The following TRAPPC9 variants were observed in gnomAD, a reference collection of about 807,000 sequenced individuals.
The protein encoded by TRAPPC9 is IKK2 binding protein.
In TRAPPC9, 83 loss-of-function variants were observed where a neutral mutation model predicts 124.0. The observed-to-expected ratio is 0.67, with a 90% CI of 0.56 to 0.80. TRAPPC9 has a LOEUF of 0.80. Among genes scored for constraint, TRAPPC9 ranks in the 30% least tolerant of loss-of-function variants. The pLI is 0.00. For missense variants in TRAPPC9, 1,302 were observed against 1,508.3 expected, an observed-to-expected ratio of 0.86 and a Z score of 2.27; for synonymous variants, 638 against 617.5, an observed-to-expected ratio of 1.03 and a Z score of -0.49.
chr8:139,996,540 TA>T (rs1182675689), intron 18 of TRAPPC9, among the ~76,000 whole-genome samples: 5 of 145,522 alleles, frequency 3.4e-5, no homozygotes, highest in African/African-American at 7.6e-5. Flanking sequence ...CAGGGGAAAA[TA>T]AAACAGAAAA....
At chr8:140,210,603 C>G (rs1036820520) in intron 17 of TRAPPC9, among the ~76,000 whole-genome samples, 1 of 152,050 alleles carries the variant, frequency 6.6e-6, no homozygotes, top group African/African-American at 2.4e-5. Flanking sequence ...ATTCCCTGTA[C>G]CCGCACCCCC....
At chr8:140,232,084 A>T (rs1006546046) in intron 16 of TRAPPC9, among the ~76,000 whole-genome samples, 20 of 151,134 alleles carry the variant, frequency 1.3e-4, no homozygotes, top group Admixed American at 1.1e-3. Context: ...TGTTTTTTTT[A>T]AAAAAACATC....
At chr8:140,220,235 TC>T (rs1369772511) in intron 17 of TRAPPC9, among the ~76,000 whole-genome samples, 1 of 152,168 alleles carries the variant, frequency 6.6e-6, no homozygotes, top group Non-Finnish European at 1.5e-5. Flanking sequence ...ACCTAAAAGA[TC>T]CAGCTTTCCA....
chr8:140,435,805 T>C (rs543857031), intron 3 of TRAPPC9, among the ~76,000 whole-genome samples: 3 of 152,216 alleles, frequency 2.0e-5, no homozygotes, highest in Admixed American at 6.5e-5. Context: ...TCTTCTCTCA[T>C]GACGTAACAA....
chr8:140,418,731 T>C (rs1198561146), intron 5 of TRAPPC9, among the ~76,000 whole-genome samples: 7 of 115,324 alleles, frequency 6.1e-5, no homozygotes, highest in Admixed American at 2.1e-4. Context: ...AAAAGATAGA[T>C]AGATAGATAG....
At chr8:140,300,077 A>T (rs922474939) in intron 11 of TRAPPC9, among the ~76,000 whole-genome samples, 5 of 152,194 alleles carry the variant, frequency 3.3e-5, no homozygotes, top group African/African-American at 1.2e-4. Flanking sequence ...TCACAAAATT[A>T]CCTTATATGA....
intron 20 of TRAPPC9, among the ~76,000 whole-genome samples, chr8:139,889,459 C>A (rs767723913): frequency 6.6e-6 from 1 of 152,118 alleles, no homozygotes; most frequent in African/African-American, 2.4e-5. Context: ...TGAGAACAAA[C>A]GTTTCCAGGA....
chr8:139,982,807 TAA>T (rs1036289031), intron 19 of TRAPPC9, among the ~76,000 whole-genome samples: 3 of 152,304 alleles, frequency 2.0e-5, no homozygotes, highest in African/African-American at 4.8e-5. Context: ...AGAAATATGA[TAA>T]GAGTGGCATT....
intron 19 of TRAPPC9, among the ~76,000 whole-genome samples, chr8:139,919,189 C>T (rs570934948): frequency 1.4e-4 from 22 of 152,336 alleles, no homozygotes; most frequent in African/African-American, 4.6e-4. Context: ...TGCAGCAACA[C>T]GGACTGGAGC....
chr8:139,750,120 C>T lies in TRAPPC9; in HGVS notation c.3056-17918G>A, dbSNP rs372866698. Among the ~76,000 whole-genome samples, 79 of 152,238 alleles carry T rather than the reference C, an allele frequency of 5.2e-4. 1 individual carries two copies. The highest frequency in any genetic ancestry group is 3.1e-3 in the East Asian group (16 of 5,178). ...GAGGGTCCACAGGAGCCCTGGCTGT[C>T]CCAGTGTGGCATAGACCTCACCTCA... is the stretch of plus-strand genomic sequence containing the variant. On this transcript the variant is annotated intron_variant, in intron 21 of 22. Transcript: ENST00000438773.
chr8:140,380,777 A>G (rs2068583330), intron 7 of TRAPPC9, among the ~76,000 whole-genome samples: 1 of 150,402 alleles, frequency 6.6e-6, no homozygotes, highest in East Asian at 1.9e-4. Context: ...AGTTCCTAAA[A>G]GAAAACAAGA....
chr8:139,940,098 C>T (rs994744552), intron 19 of TRAPPC9, among the ~76,000 whole-genome samples: 3 of 152,200 alleles, frequency 2.0e-5, no homozygotes, highest in East Asian at 1.9e-4. Flanking sequence ...CTGGGATTCC[C>T]GTCGTTTGGT....
intron 1 of TRAPPC9, 26 bp from the exon 2 acceptor site, chr8:140,451,409 G>T (rs9657463): frequency 9.5e-6 from 15 of 1,578,482 alleles, no homozygotes; most frequent in Non-Finnish European, 1.3e-5. Context: ...AAATGAGGCT[G>T]TGAGACACAG....
At chr8:139,982,602 A>G (rs1034397864) in intron 19 of TRAPPC9, among the ~76,000 whole-genome samples, 5 of 152,216 alleles carry the variant, frequency 3.3e-5, no homozygotes, top group Non-Finnish European at 5.9e-5. Context: ...CATCTGGCAA[A>G]AGCAAAGTTA....
rs78569401 is a variant in TRAPPC9 at position 140,441,534 on chromosome 8, A to C, written c.585-2337T>G. On this transcript the variant is annotated intron_variant, in intron 2 of 22. Transcript: ENST00000438773. The stretch of plus-strand genomic sequence containing the variant: ...TGCTTTAAAGCATCCTAAAGAAGTA[A>C]ATTAGGTCAGGCATGGTGGCTCATA... Among the ~76,000 whole-genome samples, 1,362 of 152,298 alleles carry C rather than the reference A, an allele frequency of 8.9e-3. 15 individuals are homozygous for C. Among genetic ancestry groups the C allele is most frequent in the African/African-American group, 0.029 (1,191 of 41,560 alleles).
rs375030312 is a variant in TRAPPC9 at position 140,086,894 on chromosome 8, T to A, written c.2557-62815A>T. 2.0e-5 allele frequency among the ~76,000 whole-genome samples: 3 copies of A among 151,962 alleles called. No individual in the cohort carries two copies. In the East Asian group the frequency reaches 5.8e-4, roughly 29 times the overall value. ...TTGCAGTGAGCCAAGATCACGCCAC[T>A]GTACTCTAGCCTGGGCAACAGAGTG... is the stretch of plus-strand genomic sequence containing the variant. On this transcript the variant is annotated intron_variant, in intron 17 of 22. Coordinates refer to ENST00000438773, the MANE Select transcript of TRAPPC9 (RefSeq NM_001160372.4).
At position 139,907,598 on chromosome 8, in the gene TRAPPC9, C is replaced by T. The variant is rs1831443901; in HGVS notation, c.2964+2549G>A. On this transcript the variant is annotated intron_variant, in intron 20 of 22. Transcript: ENST00000438773. This position sits in a 1 kb window ranked among gnomAD's most constrained non-coding sequence, Gnocchi z 4.7. The stretch of plus-strand genomic sequence containing the variant: ...GAGGGAGGGAGGGAGGGATGATGTC[C>T]TTAATGTTAACTCTCTTTCACTAAA... Among the ~76,000 whole-genome samples the T allele has an allele frequency of 6.6e-6, 1 of 151,192 alleles. No homozygotes were observed. The highest frequency in any genetic ancestry group is 2.4e-5 in the African/African-American group (1 of 41,022).
chr8:139,745,824 G>A (rs1187227898), intron 21 of TRAPPC9, among the ~76,000 whole-genome samples: 1 of 152,252 alleles, frequency 6.6e-6, no homozygotes, highest in Non-Finnish European at 1.5e-5. Context: ...ACCTCTCTGA[G>A]CTCAAATGTA....
chr8:139,821,219 C>T (rs1015032299), intron 21 of TRAPPC9, among the ~76,000 whole-genome samples: 31 of 152,238 alleles, frequency 2.0e-4, no homozygotes, highest in Admixed American at 1.7e-3. Context: ...AACACATGAG[C>T]AAAGCCCAGC....
Sources: gnomAD v4.1 joint callset for allele counts (sites outside exome capture counted in the v4.1 genomes callset) on GRCh38, gnomAD v4.1.1 for gene constraint, Gnocchi (gnomAD v3.1) non-coding constraint, MANE v1.5 for transcripts, NCBI Gene and HGNC (gene_info 2026-07-23, HGNC 2026-07-21) for gene names.